The following DIS3L2 variants were observed in gnomAD, a reference collection of about 807,000 sequenced individuals.
DIS3L2 encodes the protein DIS3-like exonuclease 2.
Under a neutral mutation model 97.5 loss-of-function variants are expected in DIS3L2, and 34 were observed. The ratio of observed to expected loss-of-function variants is 0.35; its 90% CI spans 0.27 to 0.46. The LOEUF is 0.46. Ranked by LOEUF, DIS3L2 falls within the 20% of genes least tolerant of loss-of-function variation. DIS3L2 has a pLI of 1.00. For missense variants in DIS3L2, 1,038 were observed against 1,146.0 expected (o/e 0.91, Z 1.36); for synonymous variants, 435 against 445.2 (o/e 0.98, Z 0.29).
chr2:232,165,917 T>C (rs1243327401), intron 9 of DIS3L2, among the ~76,000 whole-genome samples: 1 of 152,092 alleles, frequency 6.6e-6, no homozygotes, highest in Non-Finnish European at 1.5e-5. Flanking sequence ...TCTAGCCTTT[T>C]AGCCTACTGG....
At chr2:232,063,357 T>C (rs1404381655) in intron 5 of DIS3L2, among the ~76,000 whole-genome samples, 3 of 152,158 alleles carry the variant, frequency 2.0e-5, no homozygotes, top group African/African-American at 7.2e-5. Context: ...AAGCATCAAG[T>C]TGAGAAAAAA....
rs1343407885 is a variant in DIS3L2, at chr2:232,325,921, G to A, written c.1740-3892G>A. 3.3e-5 allele frequency among the ~76,000 whole-genome samples: 5 copies of A among 152,212 alleles called. No homozygotes were observed. Among genetic ancestry groups the A allele is most frequent in the East Asian group, 3.9e-4 (2 of 5,192 alleles). On this transcript the variant is annotated intron_variant, in intron 14 of 20. Coordinates refer to ENST00000325385, the MANE Select transcript of DIS3L2 (RefSeq NM_152383.5). The surrounding 1 kb of genome is among the most constrained non-coding windows in gnomAD (Gnocchi z 4.6). ...AGGGCAGGGGGCAGGGCGCCCTCCC[G>A]TCCAGCAGCCCCAGTGCCCACTCTG...
intron 13 of DIS3L2, among the ~76,000 whole-genome samples, chr2:232,284,291 G>A (rs946805382): frequency 9.2e-5 from 14 of 152,064 alleles, no homozygotes; most frequent in Admixed American, 9.2e-4. Flanking sequence ...CAGGGCCCCC[G>A]GGCTCAAGTA....
At chr2:232,148,662 C>T (rs1291029675) in intron 8 of DIS3L2, among the ~76,000 whole-genome samples, 6 of 150,008 alleles carry the variant, frequency 4.0e-5, no homozygotes, top group Non-Finnish European at 5.9e-5. Context: ...TCTTTGGACT[C>T]AGAGTATAAC....
intron 9 of DIS3L2, among the ~76,000 whole-genome samples, chr2:232,168,309 A>G (rs927772888): frequency 6.6e-5 from 10 of 152,180 alleles, no homozygotes; most frequent in African/African-American, 1.2e-4. Flanking sequence ...TAATTTTCCT[A>G]AAGTATCTGA....
chr2:232,192,427 T>A (rs920005759), intron 9 of DIS3L2, among the ~76,000 whole-genome samples: 32 of 151,850 alleles, frequency 2.1e-4, no homozygotes, highest in African/African-American at 7.5e-4. Flanking sequence ...CCCTTAATTT[T>A]AAAAAAAAGT....
intron 6 of DIS3L2, among the ~76,000 whole-genome samples, chr2:232,093,886 C>T (rs1696921744): frequency 6.6e-6 from 1 of 151,902 alleles, no homozygotes; most frequent in African/African-American, 2.4e-5. Flanking sequence ...TTTATTATTT[C>T]TTCTACTAAT....
intron 5 of DIS3L2, among the ~76,000 whole-genome samples, chr2:232,060,105 A>T (rs1448773719): frequency 6.6e-6 from 1 of 152,026 alleles, no homozygotes. Context: ...ATATCTGCGA[A>T]ATAGTTTGCA....
At chr2:232,179,893 T>A (rs1337818671) in intron 9 of DIS3L2, among the ~76,000 whole-genome samples, 2 of 128,966 alleles carry the variant, frequency 1.6e-5, no homozygotes, top group Non-Finnish European at 3.0e-5. Context: ...GTTCTTTTAA[T>A]TGTGATGTTA....
At chr2:232,260,940 T>C (rs1693697074) in intron 12 of DIS3L2, among the ~76,000 whole-genome samples, 1 of 152,156 alleles carries the variant, frequency 6.6e-6, no homozygotes, top group African/African-American at 2.4e-5. Flanking sequence ...AACAGAAGGG[T>C]TGGCTGGTGA....
chr2:232,183,400 T>A (rs1442605255), intron 9 of DIS3L2, among the ~76,000 whole-genome samples: 1 of 152,194 alleles, frequency 6.6e-6, no homozygotes, highest in Admixed American at 6.5e-5. Flanking sequence ...TCTCTTAGCG[T>A]TTGTTAAGAG....
chr2:232,078,190 C>T (rs1696273675), intron 5 of DIS3L2, among the ~76,000 whole-genome samples: 1 of 151,852 alleles, frequency 6.6e-6, no homozygotes, highest in African/African-American at 2.4e-5. Context: ...ACTACAGGCG[C>T]GTGCCACTAC....
At chr2:232,308,598 C>T (rs919768753) in intron 14 of DIS3L2, among the ~76,000 whole-genome samples, 4 of 152,136 alleles carry the variant, frequency 2.6e-5, no homozygotes, top group Admixed American at 2.0e-4. Context: ...AAGTGTCTGC[C>T]GCATTCATGA....
intron 12 of DIS3L2, among the ~76,000 whole-genome samples, chr2:232,256,098 T>C (rs1460414522): frequency 6.6e-6 from 1 of 152,192 alleles, no homozygotes; most frequent in Non-Finnish European, 1.5e-5. Flanking sequence ...TCTTAAGCCT[T>C]GTCTCTCCAT....
intron 19 of DIS3L2, 32 bp from the exon 20 acceptor site, chr2:232,335,740 GC>G: frequency 1.3e-6 from 2 of 1,548,034 alleles, no homozygotes; most frequent in Non-Finnish European, 1.7e-6. Flanking sequence ...AGCATCCAGA[GC>G]TGAGGCCTGA....
At position 231,981,598 on chromosome 2, in the gene DIS3L2, TTATATATATATATATATATATA is replaced by T. The variant is rs10669283; in HGVS notation, c.-94+19851_-94+19872del. On this transcript the variant is annotated intron_variant, in intron 1 of 20. Coordinates refer to ENST00000325385, the MANE Select transcript of DIS3L2 (RefSeq NM_152383.5). ...CAGTAATGTTATACTGTTAAGTATT[TTATATATATATATATATATATA>T]TATATATATATATATATGAGACATA... Among the ~76,000 whole-genome samples the T allele has an allele frequency of 2.7e-4, 23 of 84,054 alleles. 1 individual carries two copies. Among genetic ancestry groups the T allele is most frequent in the South Asian group, 1.0e-3 (2 of 1,976 alleles). The allele number at this position is 84,054 out of a possible 152,430, so 55.1% of individuals were successfully genotyped here.
At position 232,271,061 on chromosome 2, in the gene DIS3L2, A is replaced by T. The variant is rs182534324; in HGVS notation, c.1659+7621A>T. Among the ~76,000 whole-genome samples the T allele has an allele frequency of 1.8e-3, 269 of 152,308 alleles. 2 individuals are homozygous for T. Among genetic ancestry groups the T allele is most frequent in the African/African-American group, 6.1e-3 (253 of 41,568 alleles). ...CTACAAAGAGCTCAATGTGTCACAG[A>T]CACTTCTCGTTGTGTTACTTATTTT... is the stretch of plus-strand genomic sequence containing the variant. On this transcript the variant is annotated intron_variant, in intron 13 of 20. Transcript: ENST00000325385.
In DIS3L2 at chr2:232,024,162, C is replaced by A. The variant is rs959729706; in HGVS notation, c.211-115C>A. On this transcript the variant is annotated intron_variant, in intron 3 of 20. Coordinates refer to ENST00000325385, the MANE Select transcript of DIS3L2 (RefSeq NM_152383.5). ...TAATGAATATTTCTTATACATCTAA[C>A]TTGTTTTCTCAAGTGACCTGTTTAA... 1.9e-5 allele frequency: 13 copies of A among 675,832 alleles called. No individual in the cohort carries two copies. The African/African-American group carries it at 2.4e-4, about 13-fold the overall frequency. The allele number at this position is 675,832 out of a possible 1,614,324, so 41.9% of individuals were successfully genotyped here.
Position 232,204,350 on chromosome 2 carries a change from C to T in DIS3L2, c.1125-5976C>T, listed in dbSNP as rs532798660. Among the ~76,000 whole-genome samples the T allele has an allele frequency of 3.3e-5, 5 of 152,206 alleles. No individual in the cohort carries two copies. In the South Asian group the frequency reaches 8.3e-4, roughly 25 times the overall value. The stretch of plus-strand genomic sequence containing the variant: ...TTTTGTTATTTCCTAGGGTTCTTGG[C>T]GAGGTTTTAAGGGATTATAGAAGAC... On this transcript the variant is annotated intron_variant, in intron 9 of 20. Coordinates refer to ENST00000325385, the MANE Select transcript of DIS3L2 (RefSeq NM_152383.5).
Sources: gnomAD v4.1 joint callset for allele counts (sites outside exome capture counted in the v4.1 genomes callset) on GRCh38, gnomAD v4.1.1 for gene constraint, Gnocchi (gnomAD v3.1) non-coding constraint, MANE v1.5 for transcripts, NCBI Gene and HGNC (gene_info 2026-07-23, HGNC 2026-07-21) for gene names.